The following TRIM24 variants were observed in gnomAD, a reference collection of about 807,000 sequenced individuals.
The protein encoded by TRIM24 is transcription intermediary factor 1-alpha.
A neutral mutation model predicts 123.9 loss-of-function variants in TRIM24; 29 were observed. The observed-to-expected ratio is 0.23, with a 90% CI of 0.17 to 0.32. TRIM24 has a LOEUF of 0.32. Ranked by LOEUF, TRIM24 falls within the 10% of genes least tolerant of loss-of-function variation. The probability of loss-of-function intolerance (pLI) is 1.00; values close to 1 mark genes in which losing one functional copy is unlikely to be tolerated. For missense variants in TRIM24, 932 were observed against 1,295.3 expected, an observed-to-expected ratio of 0.72 and a Z score of 4.31; for synonymous variants, 456 against 461.1, an observed-to-expected ratio of 0.99 and a Z score of 0.14.
At chr7:138,564,064 G>A (rs976187519) in intron 9 of TRIM24, among the ~76,000 whole-genome samples, 2 of 152,242 alleles carry the variant, frequency 1.3e-5, no homozygotes, top group African/African-American at 4.8e-5. Flanking sequence ...ACGTAGGATT[G>A]TGTGTCTGGA....
Position 138,554,870 on chromosome 7 carries a change from G to A in TRIM24, c.1434G>A (p.Met478Ile). The A allele has an allele frequency of 6.2e-7, 1 of 1,614,156 alleles. No individual in the cohort carries two copies. The highest frequency in any genetic ancestry group is 8.5e-7 in the Non-Finnish European group (1 of 1,180,012). Reference protein sequence around the residue: ...LRLQHMQQQVMAQRQQVQRRP... With the variant: ...LRLQHMQQQVIAQRQQVQRRP... ...TCCAGCATATGCAGCAACAGGTAAT[G>A]GCTCAGAGGCAACAGGTGCAACGGA... Residue 478 changes from methionine to isoleucine, a missense_variant, in exon 9 of 19, where the codon ATG becomes ATA. Physicochemically the swap from Met to Ile is conservative, Grantham distance 10. Coordinates refer to ENST00000343526, the MANE Select transcript of TRIM24 (RefSeq NM_015905.3). This position sits in a 1 kb window ranked among gnomAD's most constrained non-coding sequence, Gnocchi z 4.5.
chr7:138,465,392 T>C (rs1328631471), intron 1 of TRIM24, among the ~76,000 whole-genome samples: 1 of 152,228 alleles, frequency 6.6e-6, no homozygotes, highest in Non-Finnish European at 1.5e-5. Context: ...GTTATAATAT[T>C]GTGTAGTATT....
In TRIM24 at chr7:138,460,849, AC is replaced by A; in HGVS notation, c.305del (p.Pro102ArgfsTer39). On this transcript the variant is annotated frameshift_variant, in exon 1 of 19. Transcript: ENST00000343526. LOFTEE classifies it high-confidence loss of function. The part of the protein sequence containing the change: ...LPAPMLGSAE[T>X]PPPVPAPGSP... ...CGCGCCCATGCTGGGCTCGGCCGAG[AC>A]CCCGCCACCCGTCCCTGCCCCCGGC... is the stretch of plus-strand genomic sequence containing the variant. 6.4e-7 allele frequency: 1 copy of A among 1,559,618 alleles called. No homozygotes were observed. Among genetic ancestry groups the A allele is most frequent in the Non-Finnish European group, 8.6e-7 (1 of 1,161,520 alleles).
At chr7:138,545,301 C>T (rs934934537) in intron 7 of TRIM24, among the ~76,000 whole-genome samples, 3 of 151,976 alleles carry the variant, frequency 2.0e-5, no homozygotes, top group South Asian at 2.1e-4. Context: ...GTTGGGGAAC[C>T]GCAACAGGCA....
chr7:138,578,375 T>G (rs1797811315), intron 14 of TRIM24, among the ~76,000 whole-genome samples: 1 of 152,154 alleles, frequency 6.6e-6, no homozygotes, highest in South Asian at 2.1e-4. Context: ...AACCAAAAAT[T>G]GTGATTTTCA....
rs1377197771 is a variant in TRIM24, at chr7:138,567,347, C to G, written c.1531-134C>G. ...CTGCCCATCCCCCACCCCTCATTCC[C>G]TTATGTAAATCTTAATAATTGATTG... is the stretch of plus-strand genomic sequence containing the variant. On this transcript the variant is annotated intron_variant, in intron 9 of 18. Coordinates refer to ENST00000343526, the MANE Select transcript of TRIM24 (RefSeq NM_015905.3). 3.6e-6 allele frequency: 3 copies of G among 841,690 alleles called. No homozygotes were observed. The African/African-American group carries it at 5.3e-5, about 15-fold the overall frequency. The allele number at this position is 841,690 out of a possible 1,614,324, so 52.1% of individuals were successfully genotyped here.
chr7:138,517,706 CTA>C (rs1243107255), intron 3 of TRIM24, among the ~76,000 whole-genome samples: 1 of 152,016 alleles, frequency 6.6e-6, no homozygotes, highest in Non-Finnish European at 1.5e-5. Context: ...AATTTTGACA[CTA>C]TTGACATTTT....
intron 18 of TRIM24, among the ~76,000 whole-genome samples, 186 bp downstream of exon 18, chr7:138,584,185 G>A (rs183531040): frequency 4.5e-4 from 69 of 152,330 alleles, no homozygotes; most frequent in Non-Finnish European, 7.6e-4. Flanking sequence ...AGGTTTATTA[G>A]ATGGTGATGG....
At chr7:138,495,917 GTA>G (rs1381120956) in intron 1 of TRIM24, among the ~76,000 whole-genome samples, 1 of 152,098 alleles carries the variant, frequency 6.6e-6, no homozygotes, top group African/African-American at 2.4e-5. Flanking sequence ...TAATCGATAT[GTA>G]TATGTCTGTT....
intron 1 of TRIM24, among the ~76,000 whole-genome samples, chr7:138,473,099 G>A (rs1402766724): frequency 6.6e-6 from 1 of 152,100 alleles, no homozygotes; most frequent in Non-Finnish European, 1.5e-5. Flanking sequence ...GGCCAACATG[G>A]TGAAACCCTG....
At chr7:138,548,740 A>G (rs1797152708) in intron 7 of TRIM24, among the ~76,000 whole-genome samples, 1 of 152,178 alleles carries the variant, frequency 6.6e-6, no homozygotes, top group Non-Finnish European at 1.5e-5. Context: ...ACACAAACAC[A>G]TTGTACAAAT....
chr7:138,572,450 C>T (rs1461669455), intron 11 of TRIM24, among the ~76,000 whole-genome samples: 4 of 122,986 alleles, frequency 3.3e-5, no homozygotes, highest in African/African-American at 1.2e-4. Context: ...CCCCCGAACC[C>T]ACAGAAAGTA....
chr7:138,531,270 A>C (rs956039419), intron 6 of TRIM24, among the ~76,000 whole-genome samples: 1 of 151,684 alleles, frequency 6.6e-6, no homozygotes, highest in Non-Finnish European at 1.5e-5. Context: ...ACATATGTTT[A>C]CATGTGTTAC....
At chr7:138,531,202 CAT>C (rs1254129354) in intron 6 of TRIM24, among the ~76,000 whole-genome samples, 1 of 148,560 alleles carries the variant, frequency 6.7e-6, no homozygotes, top group African/African-American at 2.6e-5. Context: ...TACATGTATA[CAT>C]GTATACGTGT....
chr7:138,537,372 CCT>C lies in TRIM24; in HGVS notation c.997-1284_997-1283del, dbSNP rs1389262162. Among the ~76,000 whole-genome samples, 449 of 116,940 alleles carry C rather than the reference CCT, an allele frequency of 3.8e-3. 3 individuals are homozygous for C. Among genetic ancestry groups the C allele is most frequent in the South Asian group, 0.018 (72 of 4,002 alleles). 76.7% of individuals were successfully genotyped at this position (116,940 alleles called of 152,430 possible). ...ATCTTGGAACCACTCCTCCGCCACC[CCT>C]GTTTGTTTTTTTTTTTTTTTTTTTT... On this transcript the variant is annotated intron_variant, in intron 6 of 18. Coordinates refer to ENST00000343526, the MANE Select transcript of TRIM24 (RefSeq NM_015905.3).
chr7:138,482,162 G>A (rs1014471234), intron 1 of TRIM24, among the ~76,000 whole-genome samples: 11 of 151,822 alleles, frequency 7.2e-5, no homozygotes, highest in African/African-American at 2.4e-4. Context: ...TGCCCAATTT[G>A]GTCTCGTACT....
chr7:138,579,572 A>ACTT, intron 15 of TRIM24, 40 bp downstream of exon 15: 3 of 1,485,452 alleles, frequency 2.0e-6, no homozygotes, highest in Non-Finnish European at 2.7e-6. Flanking sequence ...TTTACTGTAA[A>ACTT]CTTTTGAAGA....
intron 14 of TRIM24, among the ~76,000 whole-genome samples, chr7:138,578,563 T>TGCGCGCGCGC (rs1554445378): frequency 1.4e-5 from 2 of 144,990 alleles, no homozygotes; most frequent in Admixed American, 6.8e-5. Context: ...TGTGTGTGTG[T>TGCGCGCGCGC]GCGCGCACGC....
Position 138,460,620 on chromosome 7 carries a change from G to C in TRIM24, c.72G>C (p.Ser24=). The change falls in exon 1 of 19, where the codon TCG becomes TCC. Residue 24 remains serine (S), a synonymous_variant. Coordinates refer to ENST00000343526, the MANE Select transcript of TRIM24 (RefSeq NM_015905.3). ...CGGCTGCGGCCTCCGGGGGGCCCTC[G>C]GCGGCGCCGAGCGGGGAGAACGAGG... ...AASAAASGGP[S]AAPSGENEAE... The C allele has an allele frequency of 7.1e-7, 1 of 1,401,922 alleles. No individual in the cohort carries two copies. Among genetic ancestry groups the C allele is most frequent in the Non-Finnish European group, 9.2e-7 (1 of 1,082,426 alleles). The allele number at this position is 1,401,922 out of a possible 1,614,324, so 86.8% of individuals were successfully genotyped here.
Sources: gnomAD v4.1 joint callset for allele counts (sites outside exome capture counted in the v4.1 genomes callset) on GRCh38, gnomAD v4.1.1 for gene constraint, Gnocchi (gnomAD v3.1) non-coding constraint, MANE v1.5 for transcripts, NCBI Gene and HGNC (gene_info 2026-07-23, HGNC 2026-07-21) for gene names.